Variants in SCTR observed in about 807,000 individuals in gnomAD.
The protein encoded by SCTR is secretin receptor.
SCTR carries 56 observed loss-of-function variants against 60.8 expected under a neutral mutation model. That is an observed-to-expected ratio of 0.92 (90% CI 0.74 to 1.15). The LOEUF is 1.15. Ranked by LOEUF, SCTR falls within the 50% of genes most tolerant of loss-of-function variation. The probability of loss-of-function intolerance (pLI) is 0.00; values close to 1 mark genes in which losing one functional copy is unlikely to be tolerated. For missense variants in SCTR, 562 were observed against 550.4 expected (o/e 1.02, Z -0.21); for synonymous variants, 202 against 217.0 (o/e 0.93, Z 0.61).
intron 1 of SCTR, among the ~76,000 whole-genome samples, chr2:119,523,392 CTATTAT>C (rs70947300): frequency 0.082 from 11,048 of 134,160 alleles, 509 homozygotes; most frequent in African/African-American, 0.12. Context: ...CATCCTGCCG[CTATTAT>C]TATTATTATT....
chr2:119,524,209 C>G lies in SCTR; in HGVS notation c.18G>C (p.Ser6=). The G allele has an allele frequency of 6.6e-7, 1 of 1,516,164 alleles. No individual in the cohort carries two copies. Among genetic ancestry groups the G allele is most frequent in the Non-Finnish European group, 8.8e-7 (1 of 1,131,538 alleles). 93.9% of individuals were successfully genotyped at this position (1,516,164 alleles called of 1,614,324 possible). MRPHL[S]PPLQQLLLPV... ...GCAGTAGTAGCTGCTGCAGCGGCGG[C>G]GACAGGTGGGGACGCATGGTGCCCG... Residue 6 remains serine (S), a synonymous_variant, in exon 1 of 13, where the codon TCG becomes TCC. Coordinates refer to ENST00000019103, the MANE Select transcript of SCTR (RefSeq NM_002980.3).
rs571809415 is a variant in SCTR, at chr2:119,474,315, C to T, written c.302-759G>A. 2.6e-5 allele frequency among the ~76,000 whole-genome samples: 4 copies of T among 152,338 alleles called. No homozygotes were observed. In the South Asian group the frequency reaches 6.2e-4, roughly 24 times the overall value. ...ATGGGGATAAAGAGCCTGCCCTGAA[C>T]TCTTCTCATAGGGAAGAGGAGAGCA... is the stretch of plus-strand genomic sequence containing the variant. On this transcript the variant is annotated intron_variant, in intron 3 of 12. Coordinates refer to ENST00000019103, the MANE Select transcript of SCTR (RefSeq NM_002980.3).
chr2:119,522,900 G>T (rs1244971942), intron 1 of SCTR, among the ~76,000 whole-genome samples: 1 of 152,212 alleles, frequency 6.6e-6, no homozygotes, highest in Non-Finnish European at 1.5e-5. Context: ...GGCCAGCACT[G>T]CCACTGAAGA....
chr2:119,508,801 C>A (rs983700219), intron 1 of SCTR, among the ~76,000 whole-genome samples: 4 of 152,134 alleles, frequency 2.6e-5, no homozygotes, highest in African/African-American at 9.7e-5. Flanking sequence ...TTAACATAGG[C>A]ATTATTTCAC....
Position 119,465,847 on chromosome 2 carries a change from C to T in SCTR, c.445G>A (p.Gly149Ser), listed in dbSNP as rs1460171675. Residue 149 changes from glycine to serine, a missense_variant, in exon 5 of 13, where the codon GGC (glycine) becomes AGC (serine). By Grantham distance (56) the Gly-to-Ser change is moderately conservative (BLOSUM62 0). Coordinates refer to ENST00000019103, the MANE Select transcript of SCTR (RefSeq NM_002980.3). ...LLKLKVMYTVGYSSSLVMLLV... is the reference protein window; with the variant it reads ...LLKLKVMYTVSYSSSLVMLLV... ...AGCATGACCAGGGAGGAGCTGTAGC[C>T]CACGGTGTACATGACTTTCAGCTTC... 2 of 1,613,884 alleles carry T rather than the reference C, an allele frequency of 1.2e-6. No individual in the cohort carries two copies. Among genetic ancestry groups the T allele is most frequent in the East Asian group, 2.2e-5 (1 of 44,884 alleles).
intron 1 of SCTR, among the ~76,000 whole-genome samples, chr2:119,520,810 C>G (rs891994793): frequency 6.6e-6 from 1 of 152,124 alleles, no homozygotes; most frequent in Non-Finnish European, 1.5e-5. Flanking sequence ...GACTCAGATG[C>G]CGTATCACCA....
At chr2:119,513,371 C>G (rs191560281) in intron 1 of SCTR, among the ~76,000 whole-genome samples, 89 of 152,244 alleles carry the variant, frequency 5.8e-4, no homozygotes, top group African/African-American at 2.0e-3. Flanking sequence ...TGTGGTCAAT[C>G]TGTCATCTTA....
chr2:119,497,286 G>C (rs149478097), intron 1 of SCTR, among the ~76,000 whole-genome samples: 1 of 151,708 alleles, frequency 6.6e-6, no homozygotes, highest in East Asian at 1.9e-4. Context: ...GAGTGGGAAC[G>C]TTGGACTTCT....
At chr2:119,521,344 A>G (rs1267566966) in intron 1 of SCTR, among the ~76,000 whole-genome samples, 5 of 152,236 alleles carry the variant, frequency 3.3e-5, no homozygotes, top group Non-Finnish European at 7.3e-5. Flanking sequence ...TCATCCATGC[A>G]TTCATTCAAC....
intron 1 of SCTR, among the ~76,000 whole-genome samples, chr2:119,522,182 G>A (rs190983101): frequency 3.3e-5 from 5 of 152,274 alleles, no homozygotes; most frequent in Admixed American, 3.3e-4. Context: ...TGTAATCCCA[G>A]CTACTTGGGA....
intron 11 of SCTR, 140 bp downstream of exon 11, chr2:119,446,619 C>A (rs1193883025): frequency 1.9e-5 from 14 of 719,212 alleles, no homozygotes; most frequent in Non-Finnish European, 2.6e-5. Context: ...GGACCTGTAG[C>A]ACTGTCAGGT....
intron 1 of SCTR, among the ~76,000 whole-genome samples, chr2:119,506,919 T>G (rs1052595229): frequency 6.6e-6 from 1 of 152,184 alleles, no homozygotes; most frequent in Non-Finnish European, 1.5e-5. Flanking sequence ...GCCAGAAATA[T>G]TCTGTATCTT....
At chr2:119,464,089 C>T in intron 6 of SCTR, 34 bp downstream of exon 6, 1 of 1,612,834 alleles carries the variant, frequency 6.2e-7, no homozygotes. Flanking sequence ...GGCAGGCGGG[C>T]CTGGCGACAT....
intron 4 of SCTR, among the ~76,000 whole-genome samples, chr2:119,470,939 G>C (rs1463346319): frequency 6.6e-6 from 1 of 152,202 alleles, no homozygotes; most frequent in African/African-American, 2.4e-5. Context: ...GACCTCAAGT[G>C]ATCCACCCGT....
At chr2:119,483,787 T>C (rs1458033349) in intron 2 of SCTR, among the ~76,000 whole-genome samples, 5 of 152,208 alleles carry the variant, frequency 3.3e-5, no homozygotes, top group Admixed American at 2.6e-4. Context: ...AAGGAAATCA[T>C]AGCACAGGAG....
chr2:119,456,293 CA>C (rs1214962516), intron 7 of SCTR, among the ~76,000 whole-genome samples: 3 of 152,084 alleles, frequency 2.0e-5, no homozygotes, highest in African/African-American at 7.2e-5. Flanking sequence ...CTCCTGACCT[CA>C]AGTGATCTGC....
At chr2:119,478,970 C>T (rs778743219) in intron 2 of SCTR, 52 bp from the exon 3 acceptor site, 3 of 1,609,624 alleles carry the variant, frequency 1.9e-6, no homozygotes, top group Admixed American at 1.7e-5. Context: ...CGAGGGCTGC[C>T]CTACCATCCT....
At chr2:119,492,838 A>G (rs964103698) in intron 2 of SCTR, among the ~76,000 whole-genome samples, 4 of 18,288 alleles carry the variant, frequency 2.2e-4, no homozygotes, top group African/African-American at 3.0e-4. Context: ...TTTAATATTT[A>G]TTTATTTATT....
At chr2:119,484,481 G>A (rs1030708479) in intron 2 of SCTR, among the ~76,000 whole-genome samples, 1 of 152,146 alleles carries the variant, frequency 6.6e-6, no homozygotes, top group African/African-American at 2.4e-5. Context: ...GTGGTATGGT[G>A]GAGATAGAAT....
Sources: gnomAD v4.1 joint callset for allele counts (sites outside exome capture counted in the v4.1 genomes callset) on GRCh38, gnomAD v4.1.1 for gene constraint, MANE v1.5 for transcripts, NCBI Gene and HGNC (gene_info 2026-07-23, HGNC 2026-07-21) for gene names.